Variants in NXPE2 observed in about 807,000 individuals in gnomAD.
The protein encoded by NXPE2 is NXPE family member 2.
In NXPE2, 34 loss-of-function variants were observed where a neutral mutation model predicts 34.4. The observed-to-expected ratio is 0.99, with a 90% confidence interval of 0.75 to 1.31. The LOEUF is 1.31. NXPE2 is among the 40% of genes most tolerant of loss of function. The pLI, the probability that NXPE2 is intolerant of heterozygous loss-of-function variation, is 0.00. For missense variants in NXPE2, 649 were observed against 672.5 expected, an observed-to-expected ratio of 0.97 and a Z score of 0.39; for synonymous variants, 235 against 231.3, an observed-to-expected ratio of 1.02 and a Z score of -0.15.
At chr11:114,691,219 C>A (rs1951143169) in intron 2 of NXPE2, among the ~76,000 whole-genome samples, 1 of 151,860 alleles carries the variant, frequency 6.6e-6, no homozygotes, top group South Asian at 2.1e-4. Flanking sequence ...CTTTTCTTCC[C>A]TTTGAATTTG....
chr11:114,668,114 AT>A, the NXPE2 span, among the ~76,000 whole-genome samples: 2 of 151,950 alleles, frequency 1.3e-5, no homozygotes, highest in Non-Finnish European at 2.9e-5. Context: ...CTCTTGATAG[AT>A]GGATAGTGTG....
At chr11:114,558,255 CTTTTT>C in the NXPE2 span, among the ~76,000 whole-genome samples, 1 of 151,564 alleles carries the variant, frequency 6.6e-6, no homozygotes, top group South Asian at 2.1e-4. Flanking sequence ...ATATGTTTTT[CTTTTT>C]ATTTCATTTT....
At chr11:114,670,156 C>T in the NXPE2 span, among the ~76,000 whole-genome samples, 1 of 151,998 alleles carries the variant, frequency 6.6e-6, no homozygotes, top group South Asian at 2.1e-4. Context: ...TGCCCCAGGA[C>T]CTTGTGGGGA....
At chr11:114,759,036 C>T in the NXPE2 span, among the ~76,000 whole-genome samples, 1 of 152,066 alleles carries the variant, frequency 6.6e-6, no homozygotes, top group African/African-American at 2.4e-5. Context: ...ACACTCACAC[C>T]CACACTCCAC....
chr11:114,719,171 G>T, the NXPE2 span, among the ~76,000 whole-genome samples: 1 of 152,020 alleles, frequency 6.6e-6, no homozygotes, highest in Non-Finnish European at 1.5e-5. Context: ...GTTAGATGTC[G>T]TGTAGTCAGT....
At chr11:114,529,948 A>G in the NXPE2 span, 2 of 499,524 alleles carry the variant, frequency 4.0e-6, no homozygotes, top group East Asian at 6.3e-5. Flanking sequence ...ACATCTGTGA[A>G]CACATAGAAG....
At chr11:114,540,837 C>CTTTTTT in the NXPE2 span, among the ~76,000 whole-genome samples, 51 of 47,472 alleles carry the variant, frequency 1.1e-3, 15 homozygotes, top group Non-Finnish European at 2.0e-3. Context: ...AGAAAGCCAT[C>CTTTTTT]TTTTTTTTTT....
chr11:114,499,589 G>A, the NXPE2 span, among the ~76,000 whole-genome samples: 15 of 152,070 alleles, frequency 9.9e-5, no homozygotes, highest in East Asian at 1.9e-4. Context: ...AAGAAAATAC[G>A]TATCTTAAGG....
In NXPE2 at chr11:114,698,738, AT is replaced by A. The variant is rs1286759808; in HGVS notation, c.829del (p.Ser277ProfsTer16). 1 of 1,602,358 alleles carries A rather than the reference AT, an allele frequency of 6.2e-7. No individual in the cohort carries two copies. Among genetic ancestry groups the A allele is most frequent in the East Asian group, 2.2e-5 (1 of 44,756 alleles). On this transcript the variant is annotated frameshift_variant, in exon 3 of 6. Transcript: ENST00000389586. LOFTEE classifies it high-confidence loss of function. ...CCACATGACCACTAGGACAAGAAAT[AT>A]TTCCTATCTTAGCAAGGAAGAATGG... ...LTHMTTRTRNISYLSKEEWRL... is the reference protein window; with the variant it reads ...LTHMTTRTRNXSYLSKEEWRL...
At chr11:114,599,749 C>T in the NXPE2 span, among the ~76,000 whole-genome samples, 1 of 152,066 alleles carries the variant, frequency 6.6e-6, no homozygotes, top group African/African-American at 2.4e-5. Context: ...CTTGTGAGAA[C>T]TCACTCACTA....
the NXPE2 span, among the ~76,000 whole-genome samples, chr11:114,610,173 G>A: frequency 2.6e-5 from 4 of 151,782 alleles, no homozygotes; most frequent in Admixed American, 6.6e-5. Flanking sequence ...GTTACCTGGT[G>A]GATAATAAGT....
At chr11:114,779,772 C>T in the NXPE2 span, among the ~76,000 whole-genome samples, 1 of 152,108 alleles carries the variant, frequency 6.6e-6, no homozygotes, top group Non-Finnish European at 1.5e-5. Context: ...GACTCGCTCG[C>T]TCAGGGAGAT....
chr11:114,692,373 T>C (rs1010132235), intron 2 of NXPE2, among the ~76,000 whole-genome samples: 1 of 152,144 alleles, frequency 6.6e-6, no homozygotes, highest in Non-Finnish European at 1.5e-5. Context: ...ATTCTCCCCC[T>C]TCATCCTTGG....
chr11:114,716,030 A>G, the NXPE2 span, among the ~76,000 whole-genome samples: 5 of 152,226 alleles, frequency 3.3e-5, no homozygotes, highest in Admixed American at 6.5e-5. Context: ...GGCACCTGGC[A>G]ATACGACCAA....
At chr11:114,470,331 G>T in the NXPE2 span, among the ~76,000 whole-genome samples, 2 of 152,082 alleles carry the variant, frequency 1.3e-5, no homozygotes, top group Admixed American at 1.3e-4. Flanking sequence ...GAGAATTCCA[G>T]TTACTCCATA....
the NXPE2 span, among the ~76,000 whole-genome samples, chr11:114,656,397 A>G: frequency 6.6e-6 from 1 of 152,184 alleles, no homozygotes; most frequent in African/African-American, 2.4e-5. Context: ...TCAAACTACC[A>G]TTGACATTCT....
At chr11:114,594,002 G>A in the NXPE2 span, among the ~76,000 whole-genome samples, 1 of 152,134 alleles carries the variant, frequency 6.6e-6, no homozygotes, top group Non-Finnish European at 1.5e-5. Flanking sequence ...TTAGAGAGTA[G>A]AATGATGGCT....
chr11:114,683,059 G>A (rs916268763), intron 2 of NXPE2, among the ~76,000 whole-genome samples: 11 of 151,972 alleles, frequency 7.2e-5, no homozygotes, highest in Non-Finnish European at 1.6e-4. Context: ...CTATTATTCA[G>A]CGTATAAGTG....
At chr11:114,491,160 C>T in the NXPE2 span, among the ~76,000 whole-genome samples, 1 of 33,098 alleles carries the variant, frequency 3.0e-5, no homozygotes, top group Non-Finnish European at 5.3e-5. Context: ...CAGAGCGAGA[C>T]TCCGTCTCAA....
Sources: allele counts gnomAD v4.1 joint callset (sites outside exome capture counted in the v4.1 genomes callset), GRCh38; gene constraint gnomAD v4.1.1; transcripts MANE v1.5; gene names NCBI Gene and HGNC (gene_info 2026-07-23, HGNC 2026-07-21).